The following BABAM2 variants were observed in gnomAD, a reference collection of about 807,000 sequenced individuals.
BABAM2 encodes BRISC and BRCA1 A complex member 2.
In BABAM2, 31 loss-of-function variants were observed where a neutral mutation model predicts 54.7. The observed-to-expected ratio is 0.57, with a 90% CI of 0.43 to 0.77. The LOEUF (loss-of-function observed/expected upper bound fraction) is 0.77, where lower values mean the gene tolerates loss of function less well. Ranked by LOEUF, BABAM2 falls within the 30% of genes least tolerant of loss-of-function variation. BABAM2 has a pLI of 0.00. For missense variants in BABAM2, 364 were observed against 455.8 expected (o/e 0.80, Z 1.83); for synonymous variants, 167 against 162.9 (o/e 1.03, Z -0.19).
chr2:28,242,294 G>A (rs147920278), intron 9 of BABAM2, among the ~76,000 whole-genome samples: 92 of 152,304 alleles, frequency 6.0e-4, no homozygotes, highest in African/African-American at 2.2e-3. Context: ...AGCAAGCACC[G>A]ATAGGGGAGA....
At chr2:28,153,305 T>C (rs1317384255) in intron 7 of BABAM2, among the ~76,000 whole-genome samples, 1 of 152,238 alleles carries the variant, frequency 6.6e-6, no homozygotes, top group Non-Finnish European at 1.5e-5. Flanking sequence ...AAGCTGCTAG[T>C]TGGTGTATTT....
intron 6 of BABAM2, among the ~76,000 whole-genome samples, chr2:28,070,979 G>T (rs1320554452): frequency 6.6e-6 from 1 of 152,026 alleles, no homozygotes; most frequent in Non-Finnish European, 1.5e-5. Flanking sequence ...TGTAACCTTG[G>T]CAAGTTACTC....
At chr2:28,060,252 T>G (rs536381895) in intron 6 of BABAM2, among the ~76,000 whole-genome samples, 7 of 152,260 alleles carry the variant, frequency 4.6e-5, no homozygotes, top group African/African-American at 1.4e-4. Context: ...AAAAATCATG[T>G]GATTATCTCA....
At chr2:28,194,915 T>C (rs1677354071) in intron 7 of BABAM2, among the ~76,000 whole-genome samples, 1 of 152,170 alleles carries the variant, frequency 6.6e-6, no homozygotes, top group Non-Finnish European at 1.5e-5. Flanking sequence ...AGCCTGGTCT[T>C]GAATTCCTGG....
chr2:28,008,264 A>G (rs184609827), intron 4 of BABAM2, among the ~76,000 whole-genome samples: 23 of 152,284 alleles, frequency 1.5e-4, no homozygotes, highest in Admixed American at 1.3e-3. Flanking sequence ...TCTTTTGCTT[A>G]CATGACACCA....
chr2:28,239,323 T>TG (rs1209121405), intron 8 of BABAM2, among the ~76,000 whole-genome samples: 1 of 152,234 alleles, frequency 6.6e-6, no homozygotes, highest in Non-Finnish European at 1.5e-5. Flanking sequence ...CACTTTATCT[T>TG]GAGCTTTTGT....
At chr2:28,169,982 A>T (rs1446526603) in intron 7 of BABAM2, among the ~76,000 whole-genome samples, 1 of 152,108 alleles carries the variant, frequency 6.6e-6, no homozygotes, top group Non-Finnish European at 1.5e-5. Flanking sequence ...TTCAAAAAAC[A>T]TTTATTTGAA....
intron 7 of BABAM2, among the ~76,000 whole-genome samples, chr2:28,138,294 A>AAAAGAAAT (rs1178380020): frequency 1.3e-5 from 2 of 152,178 alleles, no homozygotes; most frequent in Non-Finnish European, 1.5e-5. Flanking sequence ...AGGCCAAATA[A>AAAAGAAAT]AAAGAAATTG....
intron 7 of BABAM2, among the ~76,000 whole-genome samples, chr2:28,170,872 G>A (rs1193457241): frequency 6.6e-6 from 1 of 152,056 alleles, no homozygotes; most frequent in Non-Finnish European, 1.5e-5. Context: ...AATCAAATAG[G>A]ATAAAAGGAC....
intron 11 of BABAM2, among the ~76,000 whole-genome samples, chr2:28,317,059 G>A (rs1443231820): frequency 6.6e-6 from 1 of 152,140 alleles, no homozygotes. Flanking sequence ...CCACTTGGCT[G>A]CATGTCCTTC....
intron 3 of BABAM2, among the ~76,000 whole-genome samples, chr2:27,951,758 A>G (rs1558613315): frequency 6.6e-6 from 1 of 152,050 alleles, no homozygotes; most frequent in Non-Finnish European, 1.5e-5. Flanking sequence ...TGTTTACATG[A>G]GTAAGTTCTT....
rs1675957884 is a variant in BABAM2, at chr2:28,183,995, A to G, written c.681-53207A>G. Reference sequence around the variant, plus strand: ...TTTTCTTCATGCTTGTATTCACACAAAACTAACTCCTAGTTTGTTGAACAA... The same window carrying G: ...TTTTCTTCATGCTTGTATTCACACAGAACTAACTCCTAGTTTGTTGAACAA... On this transcript the variant is annotated intron_variant, in intron 7 of 11. Transcript: ENST00000379624. 3.9e-5 allele frequency among the ~76,000 whole-genome samples: 6 copies of G among 152,228 alleles called. No homozygotes were observed. The South Asian group carries it at 1.2e-3, about 32-fold the overall frequency.
chr2:28,332,508 G>A (rs1691050044), intron 11 of BABAM2, among the ~76,000 whole-genome samples: 1 of 152,158 alleles, frequency 6.6e-6, no homozygotes, highest in African/African-American at 2.4e-5. Flanking sequence ...CCAGGGCCCG[G>A]GCTAGAGCTG....
intron 11 of BABAM2, among the ~76,000 whole-genome samples, chr2:28,333,668 C>T (rs1691161665): frequency 6.6e-6 from 1 of 152,344 alleles, no homozygotes; most frequent in South Asian, 2.1e-4. Context: ...TCATTTTGCC[C>T]TCAGGCATAT....
chr2:28,116,029 C>T (rs574184326), intron 6 of BABAM2, among the ~76,000 whole-genome samples: 56 of 151,224 alleles, frequency 3.7e-4, no homozygotes, highest in Middle Eastern at 3.4e-3. Context: ...GCAGGAGAAT[C>T]GCTTGAACCT....
At chr2:27,983,624 T>A (rs935449399) in intron 3 of BABAM2, among the ~76,000 whole-genome samples, 10 of 152,108 alleles carry the variant, frequency 6.6e-5, no homozygotes, top group African/African-American at 2.2e-4. Context: ...AGGCCTTTTT[T>A]AATTTCTTCA....
chr2:28,263,885 A>C (rs1684752035), intron 10 of BABAM2, among the ~76,000 whole-genome samples: 1 of 152,214 alleles, frequency 6.6e-6, no homozygotes, highest in East Asian at 1.9e-4. Context: ...AAGGTGGATT[A>C]ACAATTCCCC....
intron 7 of BABAM2, among the ~76,000 whole-genome samples, chr2:28,217,239 GTGAT>G (rs1482661382): frequency 6.6e-6 from 1 of 152,202 alleles, no homozygotes; most frequent in Non-Finnish European, 1.5e-5. Context: ...GAGTCATAGA[GTGAT>G]TGAATATCAT....
At chr2:28,218,617 A>G (rs1205531868) in intron 7 of BABAM2, among the ~76,000 whole-genome samples, 1 of 151,984 alleles carries the variant, frequency 6.6e-6, no homozygotes, top group Non-Finnish European at 1.5e-5. Context: ...GGGATTGGTG[A>G]TGTTGACTTT....
Sources: gnomAD v4.1 joint callset for allele counts (sites outside exome capture counted in the v4.1 genomes callset) on GRCh38, gnomAD v4.1.1 for gene constraint, MANE v1.5 for transcripts, NCBI Gene and HGNC (gene_info 2026-07-23, HGNC 2026-07-21) for gene names.